The following ARHGAP35 variants were observed in gnomAD, a reference collection of about 807,000 sequenced individuals.
The protein encoded by ARHGAP35 is rho GTPase-activating protein 35.
In ARHGAP35, 15 loss-of-function variants were observed where a neutral mutation model predicts 111.1. The ratio of observed to expected loss-of-function variants is 0.13; its 90% CI spans 0.09 to 0.21. The LOEUF (loss-of-function observed/expected upper bound fraction) is 0.21, where lower values mean the gene tolerates loss of function less well. ARHGAP35 is among the 10% of genes least tolerant of loss of function. ARHGAP35 has a pLI of 1.00. For missense variants in ARHGAP35, 1,262 were observed against 1,873.0 expected, an observed-to-expected ratio of 0.67 and a Z score of 6.02; for synonymous variants, 643 against 710.3, an observed-to-expected ratio of 0.91 and a Z score of 1.51.
chr19:46,896,190 A>G (rs2056055061), intron 1 of ARHGAP35, among the ~76,000 whole-genome samples: 3 of 152,114 alleles, frequency 2.0e-5, no homozygotes, highest in South Asian at 4.1e-4. Context: ...GGATCACTTG[A>G]ACTCAGGAGT....
chr19:46,996,417 A>G lies in ARHGAP35; in HGVS notation c.4037-2887A>G, dbSNP rs149034734. On this transcript the variant is annotated intron_variant, in intron 5 of 6. Coordinates refer to ENST00000672722, the MANE Select transcript of ARHGAP35 (RefSeq NM_004491.5). The stretch of plus-strand genomic sequence containing the variant: ...GCGCCCGGCCCCTAAATTATTATCA[A>G]TGCAGGCTTTGTAACTCCCACCCCT... Among the ~76,000 whole-genome samples the G allele has an allele frequency of 7.8e-3, 1,190 of 152,054 alleles. 52 individuals are homozygous for G. Among genetic ancestry groups the G allele is most frequent in the Admixed American group, 0.063 (955 of 15,244 alleles).
intron 5 of ARHGAP35, among the ~76,000 whole-genome samples, chr19:46,995,504 G>A (rs1013391238): frequency 1.3e-5 from 2 of 152,240 alleles, no homozygotes; most frequent in African/African-American, 2.4e-5. Context: ...GCTCTGCCGC[G>A]TGCAGGGAGG....
chr19:46,990,021 G>A (rs184151685), intron 5 of ARHGAP35, among the ~76,000 whole-genome samples: 85 of 152,256 alleles, frequency 5.6e-4, no homozygotes, highest in Non-Finnish European at 8.8e-4. Context: ...CTACTCCTGC[G>A]GATGAAATTC....
At chr19:46,957,089 G>T in intron 3 of ARHGAP35, among the ~76,000 whole-genome samples, 1 of 151,292 alleles carries the variant, frequency 6.6e-6, no homozygotes, top group Non-Finnish European at 1.5e-5. Context: ...AGCCTCCTGA[G>T]TAGCTGGGAC....
rs1185169292 is a variant in ARHGAP35 at position 46,993,815 on chromosome 19, G to A, written c.4036+4140G>A. On this transcript the variant is annotated intron_variant, in intron 5 of 6. Transcript: ENST00000672722. The surrounding 1 kb of genome is among the most constrained non-coding windows in gnomAD (Gnocchi z 4.6). ...CACCTGGAGCCAAGCCAAGCAAAGG[G>A]GTGAGCGCAGTGTGGAGGCTGGGGT... 1.3e-5 allele frequency among the ~76,000 whole-genome samples: 2 copies of A among 152,178 alleles called. No individual in the cohort carries two copies. Among genetic ancestry groups the A allele is most frequent in the Non-Finnish European group, 2.9e-5 (2 of 68,032 alleles).
In ARHGAP35 at chr19:47,001,416, G is replaced by A. The variant is rs2056747900; in HGVS notation, c.*728G>A. On this transcript the variant is annotated 3_prime_UTR_variant, in exon 7 of 7. Transcript: ENST00000672722. This position sits in a 1 kb window ranked among gnomAD's most constrained non-coding sequence, Gnocchi z 5.4. ...AACCCTTCCAGTAATTAAAAAGGAA[G>A]AAACCACAGAAAGAAAACTACAGAC... 1 of 1,282,084 alleles carries A rather than the reference G, an allele frequency of 7.8e-7. No homozygotes were observed. The highest frequency in any genetic ancestry group is 1.0e-6 in the Non-Finnish European group (1 of 982,222). The allele number at this position is 1,282,084 out of a possible 1,614,324, so 79.4% of individuals were successfully genotyped here. A position where few individuals can be genotyped will look rare whatever the true frequency, so the allele number is the denominator to read the frequency against.
chr19:46,894,998 A>G (rs1599803976), intron 1 of ARHGAP35, among the ~76,000 whole-genome samples: 1 of 152,214 alleles, frequency 6.6e-6, no homozygotes, highest in African/African-American at 2.4e-5. Context: ...GAATACTGCT[A>G]GTTGGTAGGA....
At position 46,988,886 on chromosome 19, in the gene ARHGAP35, A is replaced by C. The variant is rs2056665098; in HGVS notation, c.3905-658A>C. 1 of 153,450 alleles carries C rather than the reference A, an allele frequency of 6.5e-6. No individual in the cohort carries two copies. The highest frequency in any genetic ancestry group is 2.4e-5 in the African/African-American group (1 of 41,472). 9.5% of individuals were successfully genotyped at this position (153,450 alleles called of 1,614,324 possible). ...GGAGACACGAGGCCAAAGTGAGGGTAGAGCCCCCAGTGTGGGATGCATTTG... is the reference window on the plus strand; with the variant it reads ...GGAGACACGAGGCCAAAGTGAGGGTCGAGCCCCCAGTGTGGGATGCATTTG... On this transcript the variant is annotated intron_variant, in intron 4 of 6. Transcript: ENST00000672722. This position sits in a 1 kb window ranked among gnomAD's most constrained non-coding sequence, Gnocchi z 5.4.
chr19:47,000,836 C>CCAAT lies in ARHGAP35; in HGVS notation c.*149_*152dup. On this transcript the variant is annotated 3_prime_UTR_variant, in exon 7 of 7. Coordinates refer to ENST00000672722, the MANE Select transcript of ARHGAP35 (RefSeq NM_004491.5). The surrounding 1 kb of genome is among the most constrained non-coding windows in gnomAD (Gnocchi z 6.9). ...CTCAAGACCTCAGTGGGAGCACCAGCCAATGGTACCATCGGCTGGGCTGCC... is the reference window on the plus strand; with the variant it reads ...CTCAAGACCTCAGTGGGAGCACCAGCCAATCAATGGTACCATCGGCTGGGCTGCC... The CCAAT allele has an allele frequency of 6.5e-7, 1 of 1,539,904 alleles. No homozygotes were observed. The highest frequency in any genetic ancestry group is 8.7e-7 in the Non-Finnish European group (1 of 1,146,828).
chr19:46,877,861 C>T lies in ARHGAP35; in HGVS notation c.-189+16652C>T, dbSNP rs945149745. 4.6e-5 allele frequency among the ~76,000 whole-genome samples: 7 copies of T among 151,992 alleles called. No individual in the cohort carries two copies. The East Asian group carries it at 5.8e-4, about 13-fold the overall frequency. On this transcript the variant is annotated intron_variant, in intron 1 of 6. Transcript: ENST00000672722. ...AGCTGGGATTACAGGCGCCTGCCAC[C>T]GCGCCTGGCTAATTTTTTGAATTTT...
chr19:46,954,558 G>A (rs572712297), intron 3 of ARHGAP35, among the ~76,000 whole-genome samples: 1 of 152,358 alleles, frequency 6.6e-6, no homozygotes, highest in South Asian at 2.1e-4. Context: ...GTGGTTTACT[G>A]TTTGAAATGT....
chr19:46,964,704 G>A (rs2122278914), intron 3 of ARHGAP35, among the ~76,000 whole-genome samples: 1 of 152,342 alleles, frequency 6.6e-6, no homozygotes, highest in East Asian at 1.9e-4. Flanking sequence ...TTTCAGTTCA[G>A]CAGAAGGGCT....
chr19:46,873,936 C>T (rs775056714), intron 1 of ARHGAP35, among the ~76,000 whole-genome samples: 2 of 151,974 alleles, frequency 1.3e-5, no homozygotes, highest in Non-Finnish European at 2.9e-5. Context: ...TTAGTAGAGA[C>T]GGGGTTTCCC....
chr19:46,919,941 G>C lies in ARHGAP35; in HGVS notation c.1266G>C (p.Lys422Asn), dbSNP rs1329423226. Residue 422 changes from lysine to asparagine, a missense_variant, in exon 2 of 7, where the codon AAG becomes AAC. This residue lies in a region of ARHGAP35 where 328 missense variants were observed against 440.8 expected (regional missense o/e 0.74). Coordinates refer to ENST00000672722, the MANE Select transcript of ARHGAP35 (RefSeq NM_004491.5). This position sits in a 1 kb window ranked among gnomAD's most constrained non-coding sequence, Gnocchi z 6.2. Reference sequence around the variant, plus strand: ...AGCTATACGAGGCCCACTTAGAGAAGCTGAGGAACGAAAGGAAAAGAGTTG... The same window carrying C: ...AGCTATACGAGGCCCACTTAGAGAACCTGAGGAACGAAAGGAAAAGAGTTG... ...AEQLYEAHLE[K>N]LRNERKRVEM... is the part of the protein sequence containing the mutation. 5 of 1,613,984 alleles carry C rather than the reference G, an allele frequency of 3.1e-6. No individual in the cohort carries two copies. Among genetic ancestry groups the C allele is most frequent in the Non-Finnish European group, 4.2e-6 (5 of 1,179,890 alleles).
At chr19:46,956,060 G>A (rs975822008) in intron 3 of ARHGAP35, among the ~76,000 whole-genome samples, 1 of 152,180 alleles carries the variant, frequency 6.6e-6, no homozygotes. Context: ...GCTCATGCCT[G>A]TAATCTCAAC....
chr19:46,889,767 A>AAG (rs2122150163), intron 1 of ARHGAP35, among the ~76,000 whole-genome samples: 1 of 151,938 alleles, frequency 6.6e-6, no homozygotes, highest in East Asian at 1.9e-4. Context: ...AAAAAAAAAA[A>AAG]AAAAGAGTAG....
At position 47,002,379 on chromosome 19, in the gene ARHGAP35, C is replaced by A. The variant is rs553372169; in HGVS notation, c.*1691C>A. ...CTCACTGTCTCCAGTTCTCAATGGC[C>A]AACGAAGGTGCTTGGAAACACCTAA... On this transcript the variant is annotated 3_prime_UTR_variant, in exon 7 of 7. Transcript: ENST00000672722. 263 of 152,750 alleles carry A rather than the reference C, an allele frequency of 1.7e-3. 2 individuals are homozygous for A. Among genetic ancestry groups the A allele is most frequent in the Non-Finnish European group, 2.2e-3 (148 of 68,048 alleles). 9.5% of individuals were successfully genotyped at this position (152,750 alleles called of 1,614,324 possible). A position where few individuals can be genotyped will look rare whatever the true frequency, so the allele number is the denominator to read the frequency against.
At chr19:46,972,397 C>G (rs2056555419) in intron 3 of ARHGAP35, among the ~76,000 whole-genome samples, 1 of 152,258 alleles carries the variant, frequency 6.6e-6, no homozygotes, top group Admixed American at 6.5e-5. Flanking sequence ...TGATGGGACA[C>G]AGCAGGACAA....
chr19:46,950,476 A>C (rs746253255), intron 3 of ARHGAP35, among the ~76,000 whole-genome samples: 1 of 152,246 alleles, frequency 6.6e-6, no homozygotes, highest in African/African-American at 2.4e-5. Flanking sequence ...TCAGTTTAGC[A>C]TGTTGGACAC....
Sources: allele counts gnomAD v4.1 joint callset (sites outside exome capture counted in the v4.1 genomes callset), GRCh38; gene constraint gnomAD v4.1.1; regional missense constraint gnomAD v4.1.1; non-coding constraint Gnocchi (gnomAD v3.1); transcripts MANE v1.5; gene names NCBI Gene and HGNC (gene_info 2026-07-23, HGNC 2026-07-21).